Variants in NXF3 observed in about 807,000 individuals in gnomAD.
The protein encoded by NXF3 is nuclear RNA export factor 3.
Under a neutral mutation model 48.4 loss-of-function variants are expected in NXF3, and 34 were observed. That is an observed-to-expected ratio of 0.70 (90% CI 0.53 to 0.93). The LOEUF (loss-of-function observed/expected upper bound fraction) is 0.93, where lower values mean the gene tolerates loss of function less well. Ranked by LOEUF, NXF3 falls within the 40% of genes least tolerant of loss-of-function variation. The probability of loss-of-function intolerance (pLI) is 0.00; values close to 1 mark genes in which losing one functional copy is unlikely to be tolerated. For synonymous variants in NXF3, 132 were observed against 145.7 expected (o/e 0.91, Z 0.68); for missense variants, 359 against 406.1 (o/e 0.88, Z 1.00).
Position 103,093,118 on chromosome X carries a change from G to T in NXF3, c.-95C>A. On this transcript the variant is annotated 5_prime_UTR_variant, in exon 1 of 20. Transcript: ENST00000395065. ...ATTGAGGAGGGCTGCTGACGAAGGC[G>T]AGAGCAAGCCTCAAGCCTTGCTTAC... The T allele has an allele frequency of 1.2e-6, 1 of 827,127 alleles. No individual in the cohort carries two copies. Among genetic ancestry groups the T allele is most frequent in the Non-Finnish European group, 1.8e-6 (1 of 552,745 alleles). The allele number at this position is 827,127 out of a possible 1,213,427, so 68.2% of individuals were successfully genotyped here. A position where few individuals can be genotyped will look rare whatever the true frequency, so the allele number is the denominator to read the frequency against.
At chrX:103,092,751 C>G (rs1366218860) in intron 1 of NXF3, among the ~76,000 whole-genome samples, 2 of 112,448 alleles carry the variant, frequency 1.8e-5, no homozygotes, top group Non-Finnish European at 3.8e-5. Context: ...GCCCCACTAC[C>G]ACCTCTAGTG....
intron 17 of NXF3, 148 bp from the exon 18 acceptor site, chrX:103,077,894 C>T: frequency 3.4e-6 from 2 of 594,323 alleles, no homozygotes; most frequent in South Asian, 2.9e-5. Context: ...ACCCTCTAAA[C>T]CTTCCACAGA....
intron 1 of NXF3, chrX:103,088,399 C>A (rs1432024201): frequency 2.0e-5 from 11 of 551,759 alleles, no homozygotes; most frequent in Non-Finnish European, 3.0e-5. Flanking sequence ...TAAAAAAAAA[C>A]ATTGACTTTG....
intron 1 of NXF3, among the ~76,000 whole-genome samples, chrX:103,092,453 T>C (rs775353247): frequency 1.8e-5 from 2 of 112,585 alleles, no homozygotes; most frequent in Admixed American, 9.4e-5. Flanking sequence ...TCTAAGTAAA[T>C]AGAGAAATAG....
intron 16 of NXF3, 137 bp from the exon 17 acceptor site, chrX:103,078,769 C>T (rs767702972): frequency 2.2e-5 from 22 of 991,504 alleles, no homozygotes; most frequent in African/African-American, 1.1e-4. Flanking sequence ...TGGAGTGAGG[C>T]GGATGTGGTA....
chrX:103,086,902 C>T (rs181005765), intron 1 of NXF3, among the ~76,000 whole-genome samples: 37 of 111,986 alleles, frequency 3.3e-4, no homozygotes, highest in Non-Finnish European at 5.8e-4. Flanking sequence ...AGCAGGTGCG[C>T]GCACTGCCTT....
intron 1 of NXF3, among the ~76,000 whole-genome samples, chrX:103,091,558 T>C (rs988555981): frequency 9.2e-6 from 1 of 109,233 alleles, no homozygotes; most frequent in African/African-American, 3.3e-5. Context: ...GGATTTTTGG[T>C]ATCTGTGGGT....
At chrX:103,085,881 C>T (rs1481322830) in intron 1 of NXF3, among the ~76,000 whole-genome samples, 3 of 75,705 alleles carry the variant, frequency 4.0e-5, no homozygotes, top group Non-Finnish European at 7.1e-5. Flanking sequence ...CCAGCCTGGG[C>T]GACAAAGCGA....
At chrX:103,084,649 T>A (rs1008922995) in intron 2 of NXF3, 66 bp downstream of exon 2, 1 of 1,148,220 alleles carries the variant, frequency 8.7e-7, no homozygotes, top group Non-Finnish European at 1.2e-6. Flanking sequence ...AATGACATAT[T>A]CAGCTACAGA....
At chrX:103,088,440 C>A (rs1021896762) in intron 1 of NXF3, 1 of 791,185 alleles carries the variant, frequency 1.3e-6, no homozygotes, top group Non-Finnish European at 1.9e-6. Flanking sequence ...GTTCCAGAAC[C>A]AAAATGTGGG....
intron 1 of NXF3, among the ~76,000 whole-genome samples, chrX:103,086,599 T>A (rs1037620137): frequency 2.7e-5 from 3 of 109,399 alleles, no homozygotes; most frequent in Non-Finnish European, 5.7e-5. Flanking sequence ...TTAAACCAAA[T>A]CATACCTATA....
chrX:103,084,129 C>T (rs771133896), intron 3 of NXF3, among the ~76,000 whole-genome samples: 5 of 110,965 alleles, frequency 4.5e-5, no homozygotes, highest in Admixed American at 9.6e-5. Context: ...TGATTGTAAA[C>T]GACCTCTTCC....
In NXF3 at chrX:103,079,877, G is replaced by T. The variant is rs1400002462; in HGVS notation, c.1053-7C>A. ...GTCATAGATCAAGTAATACCTGTTG[G>T]AGACCAGTGAGGACAGGCTATCTCT... On this transcript the variant is annotated splice_region_variant and splice_polypyrimidine_tract_variant and intron_variant, in intron 12 of 19. Transcript: ENST00000395065. 4 of 1,195,713 alleles carry T rather than the reference G, an allele frequency of 3.3e-6. No individual in the cohort carries two copies. The highest frequency in any genetic ancestry group is 2.3e-6 in the Non-Finnish European group (2 of 881,076).
intron 18 of NXF3, among the ~76,000 whole-genome samples, chrX:103,077,127 G>A (rs1257515927): frequency 9.0e-6 from 1 of 110,524 alleles, no homozygotes; most frequent in East Asian, 2.9e-4. Context: ...TGTACAGTAT[G>A]ATACTGAGTG....
chrX:103,088,315 C>A, intron 1 of NXF3: 1 of 541,250 alleles, frequency 1.8e-6, no homozygotes, highest in Non-Finnish European at 3.2e-6. Context: ...TTCTGGTGAG[C>A]CGTGCTCTGA....
At chrX:103,076,343 G>A in intron 18 of NXF3, 42 bp from the exon 19 acceptor site, 2 of 1,178,726 alleles carry the variant, frequency 1.7e-6, no homozygotes, top group Non-Finnish European at 2.3e-6. Context: ...TAGGACCCAA[G>A]TGCAGACACT....
chrX:103,081,937 C>T (rs1202039332), intron 9 of NXF3, among the ~76,000 whole-genome samples: 1 of 111,700 alleles, frequency 9.0e-6, no homozygotes, highest in East Asian at 2.8e-4. Flanking sequence ...GTCCAGGGCA[C>T]CAGCACCTGA....
intron 9 of NXF3, chrX:103,082,016 G>A: frequency 5.1e-6 from 2 of 393,961 alleles, no homozygotes; most frequent in African/African-American, 2.5e-5. Flanking sequence ...GCACGCTAGA[G>A]GAGGCTGGGT....
intron 1 of NXF3, chrX:103,087,152 T>C (rs1222780731): frequency 3.9e-6 from 2 of 518,326 alleles, no homozygotes; most frequent in Non-Finnish European, 6.4e-6. Flanking sequence ...GCAACACTGG[T>C]GTAGGAACGC....
Sources: allele counts gnomAD v4.1 joint callset (sites outside exome capture counted in the v4.1 genomes callset), GRCh38; gene constraint gnomAD v4.1.1; transcripts MANE v1.5; gene names NCBI Gene and HGNC (gene_info 2026-07-23, HGNC 2026-07-21).